The following FMNL2 variants were observed in gnomAD, a reference collection of about 807,000 sequenced individuals.
FMNL2 encodes formin like 2, also known as formin-like protein 2.
FMNL2 carries 51 observed loss-of-function variants against 130.2 expected under a neutral mutation model. That is an observed-to-expected ratio of 0.39 (90% CI 0.31 to 0.49). The LOEUF (loss-of-function observed/expected upper bound fraction) is 0.49. FMNL2 is among the 20% of genes least tolerant of loss of function. The pLI, the probability that FMNL2 is intolerant of heterozygous loss-of-function variation, is 0.85. For missense variants in FMNL2, 977 were observed against 1,316.2 expected (o/e 0.74, Z 3.99); for synonymous variants, 465 against 467.1 (o/e 1.00, Z 0.06).
At chr2:152,641,790 A>C (rs1683104573) in intron 25 of FMNL2, among the ~76,000 whole-genome samples, 1 of 152,214 alleles carries the variant, frequency 6.6e-6, no homozygotes, top group Non-Finnish European at 1.5e-5. Flanking sequence ...ATGTATCTTC[A>C]AAAGATAAGG....
At chr2:152,645,745 G>A (rs1461520583) in intron 25 of FMNL2, among the ~76,000 whole-genome samples, 1 of 152,158 alleles carries the variant, frequency 6.6e-6, no homozygotes, top group East Asian at 1.9e-4. Context: ...GCTGATGATT[G>A]TATTTGCTTT....
rs1696745083 is a variant in FMNL2 at position 152,580,940 on chromosome 2, C to A, written c.783-16C>A. ...ATTTTCACTGATTTGTGTTTTTCTT[C>A]TTCTTGTTTTGGCAGAACAAAAGCC... On this transcript the variant is annotated splice_polypyrimidine_tract_variant and intron_variant, in intron 8 of 25. Coordinates refer to ENST00000288670, the MANE Select transcript of FMNL2 (RefSeq NM_052905.4). 1.2e-6 allele frequency: 2 copies of A among 1,610,400 alleles called. No individual in the cohort carries two copies.
At chr2:152,336,746 G>A (rs1367013820) in intron 1 of FMNL2, among the ~76,000 whole-genome samples, 2 of 152,116 alleles carry the variant, frequency 1.3e-5, no homozygotes, top group Non-Finnish European at 2.9e-5. Context: ...ACACACAGGC[G>A]AGATTGGGCT....
At chr2:152,593,731 T>C (rs936620728) in intron 9 of FMNL2, among the ~76,000 whole-genome samples, 1 of 151,840 alleles carries the variant, frequency 6.6e-6, no homozygotes, top group Non-Finnish European at 1.5e-5. Flanking sequence ...AAATAAAACT[T>C]TTTTTTTAAT....
chr2:152,629,875 T>C lies in FMNL2; in HGVS notation c.2520T>C (p.Val840=), dbSNP rs759851221. The change falls in exon 20 of 26, where the codon GTT becomes GTC. Residue 840 remains valine, a synonymous_variant. Transcript: ENST00000288670. ...TGAATAGCAGTAAAAGAGGAGCAGTTTATGGATTTAAACTTCAGAGTTTAG... is the reference window on the plus strand; with the variant it reads ...TGAATAGCAGTAAAAGAGGAGCAGTCTATGGATTTAAACTTCAGAGTTTAG... ...NYMNSSKRGA[V]YGFKLQSLDL... 6.2e-7 allele frequency: 1 copy of C among 1,611,896 alleles called. No homozygotes were observed. The highest frequency in any genetic ancestry group is 1.7e-5 in the Admixed American group (1 of 59,696).
chr2:152,370,544 A>G (rs2105856511), intron 1 of FMNL2, among the ~76,000 whole-genome samples: 1 of 152,316 alleles, frequency 6.6e-6, no homozygotes, highest in African/African-American at 2.4e-5. Context: ...GTAGATTTTC[A>G]GAAATGACTT....
rs563536137 is a variant in FMNL2 at position 152,431,961 on chromosome 2, T to A, written c.118-89982T>A. ...GTCTGGGCAACAGAGTGAAACCCTA[T>A]CTTTAAAAAAAAAAAAAAAAAAAAG... On this transcript the variant is annotated intron_variant, in intron 1 of 25. Coordinates refer to ENST00000288670, the MANE Select transcript of FMNL2 (RefSeq NM_052905.4). 2.8e-4 allele frequency among the ~76,000 whole-genome samples: 12 copies of A among 43,578 alleles called. No homozygotes were observed. The South Asian group carries it at 4.9e-3, about 18-fold the overall frequency. The allele number at this position is 43,578 out of a possible 152,430, so 28.6% of individuals were successfully genotyped here.
intron 25 of FMNL2, among the ~76,000 whole-genome samples, chr2:152,641,643 G>A (rs549820812): frequency 6.6e-6 from 1 of 152,236 alleles, no homozygotes; most frequent in South Asian, 2.1e-4. Flanking sequence ...AAAATAGTAT[G>A]ATGAGGTCCC....
intron 1 of FMNL2, among the ~76,000 whole-genome samples, chr2:152,480,212 T>C (rs1423818214): frequency 6.6e-6 from 1 of 152,206 alleles, no homozygotes; most frequent in Non-Finnish European, 1.5e-5. Flanking sequence ...AGCAACTACC[T>C]GTTGGTCTAT....
At chr2:152,647,699 A>G (rs2105997059) in intron 25 of FMNL2, 97 bp from the exon 26 acceptor site, 1 of 1,143,342 alleles carries the variant, frequency 8.7e-7, no homozygotes, top group Non-Finnish European at 1.3e-6. Flanking sequence ...ACTTTTCTAC[A>G]CAAGCTGCTT....
chr2:152,387,149 G>A (rs1684831009), intron 1 of FMNL2, among the ~76,000 whole-genome samples: 3 of 122,524 alleles, frequency 2.4e-5, no homozygotes, highest in African/African-American at 9.1e-5. Context: ...TATAAATACT[G>A]TAGAAGATCT....
chr2:152,469,347 G>C (rs1333835822), intron 1 of FMNL2, among the ~76,000 whole-genome samples: 1 of 152,186 alleles, frequency 6.6e-6, no homozygotes, highest in Non-Finnish European at 1.5e-5. Context: ...ATTGCCTTGG[G>C]ACACCCCATG....
At chr2:152,488,327 T>C (rs1398995679) in intron 1 of FMNL2, among the ~76,000 whole-genome samples, 1 of 152,198 alleles carries the variant, frequency 6.6e-6, no homozygotes, top group East Asian at 1.9e-4. Context: ...AGACCATTGG[T>C]GAAACCCTTA....
intron 25 of FMNL2, 33 bp from the exon 26 acceptor site, chr2:152,647,763 G>A (rs376825007): frequency 1.2e-5 from 19 of 1,598,272 alleles, no homozygotes; most frequent in South Asian, 9.9e-5. Flanking sequence ...ATTAAAGGTT[G>A]CTATTCTCTC....
intron 1 of FMNL2, among the ~76,000 whole-genome samples, chr2:152,359,494 TCACATAACAGG>T (rs1683038860): frequency 6.8e-6 from 1 of 147,878 alleles, no homozygotes. Context: ...TTTTTTTTTT[TCACATAACAGG>T]TAAAAACAAC....
intron 1 of FMNL2, among the ~76,000 whole-genome samples, chr2:152,414,332 G>C (rs748518150): frequency 2.0e-5 from 3 of 151,990 alleles, no homozygotes; most frequent in Admixed American, 2.0e-4. Flanking sequence ...AATCTCACTG[G>C]GGGTGGAGTG....
rs1465163008 is a variant in FMNL2 at position 152,628,437 on chromosome 2, C to T, written c.2304C>T (p.Phe768=). The T allele has an allele frequency of 6.2e-7, 1 of 1,613,998 alleles. No individual in the cohort carries two copies. The highest frequency in any genetic ancestry group is 1.7e-5 in the Admixed American group (1 of 60,018). The change falls in exon 18 of 26, where the codon TTC becomes TTT. Residue 768 remains phenylalanine, a synonymous_variant. Coordinates refer to ENST00000288670, the MANE Select transcript of FMNL2 (RefSeq NM_052905.4). ...AAAACTTGTCAGATGAAGATCGGTT[C>T]ATGATGCAGTTTAGTAAAATCGAGA... The part of the protein sequence containing the change: ...PLENLSDEDR[F]MMQFSKIERL...
chr2:152,647,703 G>A (rs1487952384), intron 25 of FMNL2, 93 bp from the exon 26 acceptor site: 2 of 1,173,662 alleles, frequency 1.7e-6, no homozygotes, highest in Non-Finnish European at 2.6e-6. Flanking sequence ...TTCTACACAA[G>A]CTGCTTTGAT....
intron 10 of FMNL2, among the ~76,000 whole-genome samples, chr2:152,608,360 G>GAAAA (rs869134530): frequency 6.0e-5 from 1 of 16,546 alleles, no homozygotes; most frequent in African/African-American, 1.7e-4. Flanking sequence ...CCCTTTTTGT[G>GAAAA]AAAAAAAAAA....
Sources: allele counts gnomAD v4.1 joint callset (sites outside exome capture counted in the v4.1 genomes callset), GRCh38; gene constraint gnomAD v4.1.1; transcripts MANE v1.5; gene names NCBI Gene and HGNC (gene_info 2026-07-23, HGNC 2026-07-21).